MAF: variants seen among roughly 807,000 people sequenced by gnomAD.
MAF encodes MAF bZIP transcription factor.
Under a neutral mutation model 22.0 loss-of-function variants are expected in MAF, and 10 were observed. That is an observed-to-expected ratio of 0.45 (90% CI 0.28 to 0.77). The LOEUF (loss-of-function observed/expected upper bound fraction) is 0.77. Among genes scored for constraint, MAF ranks in the 30% least tolerant of loss-of-function variants. The pLI is 0.12. For synonymous variants in MAF, 337 were observed against 255.8 expected (o/e 1.32, Z -3.03); for missense variants, 544 against 548.4 (o/e 0.99, Z 0.08).
the MAF span, among the ~76,000 whole-genome samples, chr16:79,573,483 C>G: frequency 6.6e-6 from 1 of 152,182 alleles, no homozygotes; most frequent in African/African-American, 2.4e-5. Context: ...CTTTCTTCCC[C>G]CATATCTTCT....
At chr16:79,583,122 C>T (rs1325867841), downstream of MAF, among the ~76,000 whole-genome samples, 1 of 152,196 alleles carries the variant, frequency 6.6e-6, no homozygotes, top group Admixed American at 6.5e-5. Context: ...CACCAACACT[C>T]AGCATCAGGA....
At chr16:79,204,104 G>C in the MAF span, 1 of 151,924 alleles carries the variant, frequency 6.6e-6, no homozygotes, top group Non-Finnish European at 1.5e-5. Flanking sequence ...TGGCACTTCT[G>C]CTTGGCTATT....
At chr16:79,464,698 G>C in the MAF span, among the ~76,000 whole-genome samples, 3 of 152,286 alleles carry the variant, frequency 2.0e-5, no homozygotes, top group African/African-American at 7.2e-5. Flanking sequence ...TAGAAAACAA[G>C]CTACACCATG....
At chr16:79,223,803 C>A in the MAF span, among the ~76,000 whole-genome samples, 73,190 of 151,496 alleles carry the variant, frequency 0.48, 19,199 homozygotes, top group Non-Finnish European at 0.61. Flanking sequence ...TCCCAAGACT[C>A]AACCAGGAAG....
At chr16:79,308,840 C>T in the MAF span, among the ~76,000 whole-genome samples, 2 of 152,228 alleles carry the variant, frequency 1.3e-5, no homozygotes, top group Middle Eastern at 3.4e-3. Flanking sequence ...GGGTCCTCTC[C>T]ATGGTCCACG....
the MAF span, among the ~76,000 whole-genome samples, chr16:79,404,145 A>AT: frequency 4.9e-5 from 7 of 143,156 alleles, no homozygotes; most frequent in African/African-American, 1.8e-4. Context: ...CTTAACATGC[A>AT]TTTTACCGTC....
chr16:79,414,083 G>C, the MAF span, among the ~76,000 whole-genome samples: 1 of 152,136 alleles, frequency 6.6e-6, no homozygotes, highest in Non-Finnish European at 1.5e-5. Context: ...TGCCAGCTTG[G>C]TGGTTGAGGG....
the MAF span, among the ~76,000 whole-genome samples, chr16:79,435,744 C>A: frequency 6.6e-6 from 1 of 152,144 alleles, no homozygotes; most frequent in Non-Finnish European, 1.5e-5. Context: ...CAGTTCACGC[C>A]GAGATGTGCA....
chr16:79,329,802 C>T, the MAF span, among the ~76,000 whole-genome samples: 1 of 152,170 alleles, frequency 6.6e-6, no homozygotes, highest in African/African-American at 2.4e-5. Context: ...TACTTAAATA[C>T]AGCTTCAAAA....
chr16:79,222,830 A>G, the MAF span, among the ~76,000 whole-genome samples: 10 of 152,226 alleles, frequency 6.6e-5, no homozygotes, highest in African/African-American at 2.4e-4. Context: ...TATCCTAAAT[A>G]TATATGCACC....
the MAF span, among the ~76,000 whole-genome samples, chr16:79,439,521 A>C: frequency 6.6e-6 from 1 of 152,026 alleles, no homozygotes; most frequent in Non-Finnish European, 1.5e-5. Flanking sequence ...CGGCCTCCCA[A>C]AGTGCCGGGA....
the MAF span, among the ~76,000 whole-genome samples, chr16:79,238,286 G>C: frequency 6.6e-6 from 1 of 152,124 alleles, no homozygotes; most frequent in Non-Finnish European, 1.5e-5. Context: ...GGTTGGAAAA[G>C]AGGCCACAAT....
At chr16:79,544,546 G>C in the MAF span, among the ~76,000 whole-genome samples, 1 of 152,192 alleles carries the variant, frequency 6.6e-6, no homozygotes, top group East Asian at 1.9e-4. Flanking sequence ...AGACCGAGTT[G>C]GGTGGATCAC....
rs527742341 is a variant in MAF at position 79,599,675 on chromosome 16, G to A, written c.228C>T (p.Pro76=). ...TCTGCTCGCTGCCCGAGCCCGGGCT[G>A]GGCGCCGAGAAGCTGGGGGAAGGGG... ...SVPPSPSFSA[P]SPGSGSEQKA... The change falls in exon 1 of 2, where the codon CCC becomes CCT. Residue 76 remains proline (P), a synonymous_variant. Transcript: ENST00000326043. 1 of 1,612,474 alleles carries A rather than the reference G, an allele frequency of 6.2e-7. No homozygotes were observed. Among genetic ancestry groups the A allele is most frequent in the Non-Finnish European group, 8.5e-7 (1 of 1,179,724 alleles).
the MAF span, among the ~76,000 whole-genome samples, chr16:79,340,730 T>G: frequency 6.6e-6 from 1 of 151,994 alleles, no homozygotes; most frequent in African/African-American, 2.4e-5. Context: ...GGCCTTGACC[T>G]CCTAGATGCC....
chr16:79,516,823 G>T, the MAF span, among the ~76,000 whole-genome samples: 4 of 127,714 alleles, frequency 3.1e-5, no homozygotes, highest in Admixed American at 8.8e-5. Flanking sequence ...AGGAAAGACA[G>T]AGCTAACGTC....
the MAF span, among the ~76,000 whole-genome samples, chr16:79,296,442 G>C: frequency 6.6e-6 from 1 of 152,072 alleles, no homozygotes. Context: ...GTGATGGATT[G>C]ATAAGTGCAG....
the MAF span, among the ~76,000 whole-genome samples, chr16:79,269,926 A>G: frequency 2.0e-5 from 3 of 152,204 alleles, no homozygotes; most frequent in Non-Finnish European, 4.4e-5. Flanking sequence ...TCCCAAACCT[A>G]GAAGCAAGCT....
chr16:79,211,800 G>C, the MAF span: 2 of 1,614,044 alleles, frequency 1.2e-6, no homozygotes, highest in Non-Finnish European at 8.5e-7. Flanking sequence ...CGGCTAAGTG[G>C]AGCTCAGAGC....
Sources: gnomAD v4.1 joint callset for allele counts (sites outside exome capture counted in the v4.1 genomes callset) on GRCh38, gnomAD v4.1.1 for gene constraint, MANE v1.5 for transcripts, NCBI Gene and HGNC (gene_info 2026-07-23, HGNC 2026-07-21) for gene names.